Variants in HGF observed in about 807,000 individuals in gnomAD.
HGF encodes the protein hepatocyte growth factor.
Under a neutral mutation model 111.6 loss-of-function variants are expected in HGF, and 39 were observed. That is an observed-to-expected ratio of 0.35 (90% CI 0.27 to 0.46). HGF has a LOEUF of 0.46. Ranked by LOEUF, HGF falls within the 20% of genes least tolerant of loss-of-function variation. The pLI is 1.00. For missense variants in HGF, 735 were observed against 910.5 expected (o/e 0.81, Z 2.48); for synonymous variants, 285 against 294.8 (o/e 0.97, Z 0.34).
intron 7 of HGF, among the ~76,000 whole-genome samples, chr7:81,731,660 A>C (rs1372970799): frequency 6.6e-6 from 1 of 152,180 alleles, no homozygotes; most frequent in Non-Finnish European, 1.5e-5. Flanking sequence ...ATTTCTGACT[A>C]TTTGAATTAA....
At chr7:81,717,440 A>G in intron 10 of HGF, 75 bp from the exon 11 acceptor site, 2 of 1,353,120 alleles carry the variant, frequency 1.5e-6, no homozygotes, top group Middle Eastern at 1.8e-4. Flanking sequence ...ACAAAAAGAT[A>G]TAATCTCAGC....
chr7:81,710,113 T>G (rs752347782), intron 13 of HGF, 34 bp downstream of exon 13: 37 of 1,332,284 alleles, frequency 2.8e-5, no homozygotes, highest in Non-Finnish European at 3.7e-5. Flanking sequence ...GTACATATTC[T>G]GGATATGCAT....
intron 7 of HGF, 33 bp downstream of exon 7, chr7:81,743,320 G>A (rs772087811): frequency 4.9e-6 from 6 of 1,235,900 alleles, no homozygotes; most frequent in Non-Finnish European, 7.2e-6. Flanking sequence ...TCTGTGAGAG[G>A]AAAAGGAAGC....
intron 7 of HGF, among the ~76,000 whole-genome samples, chr7:81,738,985 T>C (rs1787920914): frequency 6.6e-6 from 1 of 152,142 alleles, no homozygotes; most frequent in African/African-American, 2.4e-5. Context: ...CACTTGTGAC[T>C]TTCCTTGACT....
At chr7:81,721,227 A>C (rs1301820484) in intron 9 of HGF, among the ~76,000 whole-genome samples, 1 of 152,140 alleles carries the variant, frequency 6.6e-6, no homozygotes, top group Non-Finnish European at 1.5e-5. Context: ...AGCCTGGGCG[A>C]CAGAGCGAGA....
chr7:81,707,130 T>C (rs1789449027), intron 14 of HGF, among the ~76,000 whole-genome samples, 160 bp downstream of exon 14: 1 of 152,016 alleles, frequency 6.6e-6, no homozygotes, highest in Non-Finnish European at 1.5e-5. Flanking sequence ...ATCTGTGAAG[T>C]CAAAGTAAGT....
chr7:81,762,189 CTT>C lies in HGF; in HGVS notation c.254+516_254+517del, dbSNP rs1171441169. ...TTGCCCCATCAATTTTCACCTGAAA[CTT>C]TACCATTGCTATCCTCTTCTTTTAA... On this transcript the variant is annotated intron_variant, in intron 2 of 17. Transcript: ENST00000222390. 2.6e-5 allele frequency among the ~76,000 whole-genome samples: 4 copies of C among 152,296 alleles called. No homozygotes were observed. In the East Asian group the frequency reaches 7.7e-4, roughly 29 times the overall value.
intron 9 of HGF, among the ~76,000 whole-genome samples, chr7:81,724,451 A>C (rs1233794420): frequency 6.6e-6 from 1 of 152,334 alleles, no homozygotes; most frequent in East Asian, 1.9e-4. Context: ...ATCACAATTA[A>C]GTCTATGTGA....
chr7:81,748,837 AG>A (rs1788379645), intron 5 of HGF, among the ~76,000 whole-genome samples: 1 of 152,248 alleles, frequency 6.6e-6, no homozygotes, highest in African/African-American at 2.4e-5. Flanking sequence ...GAAAACACAG[AG>A]GATTAATTTA....
chr7:81,742,197 G>T (rs1583971569), intron 7 of HGF, among the ~76,000 whole-genome samples: 1 of 152,142 alleles, frequency 6.6e-6, no homozygotes, highest in Non-Finnish European at 1.5e-5. Context: ...AAGGCTTCCA[G>T]ATTCTTCAGT....
At chr7:81,704,269 G>T (rs147909396) in intron 17 of HGF, among the ~76,000 whole-genome samples, 1 of 151,666 alleles carries the variant, frequency 6.6e-6, no homozygotes, top group Non-Finnish European at 1.5e-5. Flanking sequence ...CAAATTAAAG[G>T]CTATTCTTCA....
At chr7:81,765,322 C>G (rs1789303281) in intron 1 of HGF, among the ~76,000 whole-genome samples, 1 of 152,058 alleles carries the variant, frequency 6.6e-6, no homozygotes, top group South Asian at 2.1e-4. Context: ...CCTCAATTGT[C>G]CTACTGAAAT....
At position 81,729,775 on chromosome 7, in the gene HGF, G is replaced by A. The variant is rs778286006; in HGVS notation, c.870C>T (p.Asp290=). 1.6e-5 allele frequency: 26 copies of A among 1,600,072 alleles called. No individual in the cohort carries two copies. In the Admixed American group the frequency reaches 3.6e-4, roughly 22 times the overall value. ...GAACATCAGTGTCATTCATAGTATTGTCAGCTATTGGCAAAAAACAACAAC... is the reference window on the plus strand; with the variant it reads ...GAACATCAGTGTCATTCATAGTATTATCAGCTATTGGCAAAAAACAACAAC... ...WEYCAIKTCA[D]NTMNDTDVPL... is the part of the protein sequence containing the mutation. Residue 290 remains aspartate, a synonymous_variant, in exon 8 of 18, where the codon GAC becomes GAT. Coordinates refer to ENST00000222390, the MANE Select transcript of HGF (RefSeq NM_000601.6).
At chr7:81,726,070 A>G in intron 8 of HGF, 53 bp from the exon 9 acceptor site, 1 of 1,557,126 alleles carries the variant, frequency 6.4e-7, no homozygotes, top group Non-Finnish European at 8.9e-7. Context: ...ACGTTGGTGA[A>G]GTCAGCGCTA....
chr7:81,721,900 T>C (rs1235243673), intron 9 of HGF, among the ~76,000 whole-genome samples: 1 of 152,228 alleles, frequency 6.6e-6, no homozygotes, highest in Non-Finnish European at 1.5e-5. Context: ...TAGGCATACG[T>C]TAATGAATTT....
At chr7:81,747,258 G>A (rs1181255852) in intron 5 of HGF, among the ~76,000 whole-genome samples, 1 of 152,164 alleles carries the variant, frequency 6.6e-6, no homozygotes, top group East Asian at 1.9e-4. Flanking sequence ...AGAATGGCGT[G>A]AACCCGGGAG....
Position 81,702,652 on chromosome 7 carries a change from A to G in HGF, c.2116T>C (p.Phe706Leu). The change falls in exon 18 of 18, where the codon TTT becomes CTT. Residue 706 changes from phenylalanine to leucine, a missense_variant. Physicochemically the swap from Phe to Leu is conservative, Grantham distance 22. Transcript: ENST00000222390. ...TTTGCATAATATGCTACTCGGACAA[A>G]AATACCAGGACGATTTGGAATGGCA... ...GCAIPNRPGI[F>L]VRVAYYAKWI... The G allele has an allele frequency of 1.2e-6, 2 of 1,611,756 alleles. No homozygotes were observed. The highest frequency in any genetic ancestry group is 1.1e-5 in the South Asian group (1 of 91,008).
chr7:81,736,790 A>G, intron 7 of HGF: 1 of 459,520 alleles, frequency 2.2e-6, no homozygotes, highest in South Asian at 1.6e-5. Context: ...ATGAAGTCAC[A>G]TATAAGGTTA....
At chr7:81,715,933 A>G (rs183695811) in intron 11 of HGF, among the ~76,000 whole-genome samples, 3 of 152,356 alleles carry the variant, frequency 2.0e-5, no homozygotes, top group African/African-American at 4.8e-5. Context: ...TTTCCTTTCT[A>G]AAGAGAAGGT....
Sources: allele counts gnomAD v4.1 joint callset (sites outside exome capture counted in the v4.1 genomes callset), GRCh38; gene constraint gnomAD v4.1.1; transcripts MANE v1.5; gene names NCBI Gene and HGNC (gene_info 2026-07-23, HGNC 2026-07-21).